DEAF1: variants seen among roughly 807,000 people sequenced by gnomAD.
The protein encoded by DEAF1 is deformed epidermal autoregulatory factor 1 homolog.
A neutral mutation model predicts 58.9 loss-of-function variants in DEAF1; 53 were observed. The ratio of observed to expected loss-of-function variants is 0.90; its 90% CI spans 0.72 to 1.13. The LOEUF is 1.13. DEAF1 is among the 50% of genes most tolerant of loss of function. The pLI, the probability that DEAF1 is intolerant of heterozygous loss-of-function variation, is 0.00. For missense variants in DEAF1, 685 were observed against 791.4 expected, an observed-to-expected ratio of 0.87 and a Z score of 1.61; for synonymous variants, 385 against 340.4, an observed-to-expected ratio of 1.13 and a Z score of -1.44.
intron 10 of DEAF1, among the ~76,000 whole-genome samples, chr11:673,644 G>A (rs11246257): frequency 3.9e-5 from 6 of 152,126 alleles, no homozygotes; most frequent in African/African-American, 1.4e-4. Flanking sequence ...CCACGTTACC[G>A]TACCCGAAAA....
upstream of DEAF1, among the ~76,000 whole-genome samples, chr11:698,287 C>G (rs796578843): frequency 1.3e-5 from 2 of 151,954 alleles, no homozygotes; most frequent in African/African-American, 4.8e-5. Flanking sequence ...ACTCCTCGGG[C>G]TTCCTGTCAT....
chr11:682,992 A>G (rs1379391208), intron 6 of DEAF1, among the ~76,000 whole-genome samples: 3 of 152,182 alleles, frequency 2.0e-5, no homozygotes, highest in Non-Finnish European at 4.4e-5. Context: ...GGGGGCAGAA[A>G]GGGAGGGAAG....
At chr11:646,831 A>G (rs949498930) in intron 11 of DEAF1, among the ~76,000 whole-genome samples, 1 of 152,236 alleles carries the variant, frequency 6.6e-6, no homozygotes, top group Non-Finnish European at 1.5e-5. Flanking sequence ...AAAAATGGTT[A>G]AATTCACAAG....
At chr11:684,397 G>A (rs559401182) in intron 6 of DEAF1, among the ~76,000 whole-genome samples, 8 of 151,510 alleles carry the variant, frequency 5.3e-5, no homozygotes, top group South Asian at 2.1e-4. Flanking sequence ...CAGTGTGGGC[G>A]ACAGAATGAG....
intron 1 of DEAF1, among the ~76,000 whole-genome samples, chr11:701,614 T>G (rs1216190981): frequency 1.3e-5 from 2 of 151,910 alleles, no homozygotes; most frequent in African/African-American, 2.4e-5. Context: ...TTTCACCATG[T>G]TAGCCAGGAT....
At chr11:680,824 G>T in intron 7 of DEAF1, 139 bp downstream of exon 7, 1 of 1,271,012 alleles carries the variant, frequency 7.9e-7, no homozygotes, top group South Asian at 1.2e-5. Context: ...GCAAAGGAGT[G>T]TGATGGCGTT....
intron 1 of DEAF1, among the ~76,000 whole-genome samples, chr11:702,326 G>T (rs1861536095): frequency 6.6e-6 from 1 of 152,242 alleles, no homozygotes; most frequent in South Asian, 2.1e-4. Flanking sequence ...GCGGCACAGA[G>T]GCCCGGTTCT....
At chr11:678,550 C>T (rs1860185120) in intron 9 of DEAF1, 144 bp downstream of exon 9, 1 of 1,191,998 alleles carries the variant, frequency 8.4e-7, no homozygotes, top group African/African-American at 1.5e-5. Context: ...AGGCAGTGGG[C>T]CACACTTTAC....
Position 660,484 on chromosome 11 carries a change from A to G in DEAF1, c.1504-6433T>C, listed in dbSNP as rs557555758. The stretch of plus-strand genomic sequence containing the variant: ...GGCGCCGCCTCACCCCGTCCCGGGC[A>G]CCTGGCCGCCCCTCCCACCACAACA... On this transcript the variant is annotated intron_variant, in intron 10 of 11. Coordinates refer to ENST00000382409, the MANE Select transcript of DEAF1 (RefSeq NM_021008.4). Among the ~76,000 whole-genome samples the G allele has an allele frequency of 6.1e-3, 924 of 152,274 alleles. 9 individuals carry two copies. The highest frequency in any genetic ancestry group is 0.021 in the African/African-American group (855 of 41,552).
At chr11:686,820 A>C in intron 5 of DEAF1, 38 bp downstream of exon 5, 1 of 1,613,466 alleles carries the variant, frequency 6.2e-7, no homozygotes, top group Non-Finnish European at 8.5e-7. Flanking sequence ...CCCACGTCTG[A>C]ACTGTGTGCT....
upstream of DEAF1, chr11:698,917 G>A (rs1377372339): frequency 6.2e-7 from 1 of 1,613,714 alleles, no homozygotes; most frequent in Non-Finnish European, 8.5e-7. Context: ...CTCCAGGACA[G>A]CACCCAGAGG....
intron 1 of DEAF1, among the ~76,000 whole-genome samples, chr11:701,905 C>T (rs1314714925): frequency 5.9e-5 from 9 of 152,214 alleles, no homozygotes; most frequent in Non-Finnish European, 1.2e-4. Context: ...CAGAGCTCAC[C>T]TCTGTGGCCA....
intron 11 of DEAF1, among the ~76,000 whole-genome samples, chr11:645,637 C>G (rs971129092): frequency 6.6e-6 from 1 of 152,102 alleles, no homozygotes; most frequent in African/African-American, 2.4e-5. Flanking sequence ...TTTTTAATGG[C>G]AAAGATGAAA....
chr11:697,964 C>T (rs1230554978), upstream of DEAF1: 2 of 152,280 alleles, frequency 1.3e-5, no homozygotes, highest in Non-Finnish European at 1.5e-5. Context: ...CACAAAATCT[C>T]ACCAACGCCA....
intron 10 of DEAF1, among the ~76,000 whole-genome samples, chr11:666,862 G>A (rs1332203876): frequency 9.4e-6 from 1 of 105,972 alleles, no homozygotes; most frequent in Non-Finnish European, 1.7e-5. Flanking sequence ...TGGAGAGCAA[G>A]ACTCTGTCTC....
chr11:661,013 G>A (rs941491414), intron 10 of DEAF1, among the ~76,000 whole-genome samples: 2 of 152,210 alleles, frequency 1.3e-5, no homozygotes, highest in African/African-American at 4.8e-5. Flanking sequence ...CTTCCTAGGA[G>A]TCAAGGACAT....
At chr11:666,820 G>A (rs961115940) in intron 10 of DEAF1, among the ~76,000 whole-genome samples, 2 of 142,616 alleles carry the variant, frequency 1.4e-5, no homozygotes, top group Non-Finnish European at 3.0e-5. Context: ...AGAGCTTGCA[G>A]TGAGCTGAGA....
At chr11:647,925 G>GGGATTCC (rs1858576727) in intron 11 of DEAF1, among the ~76,000 whole-genome samples, 11 of 1,298 alleles carry the variant, frequency 8.5e-3, no homozygotes, top group Admixed American at 0.022. Flanking sequence ...CTGGGAGCAG[G>GGGATTCC]TGGGTGGACT....
At position 694,922 on chromosome 11, in the gene DEAF1, C is replaced by T. The variant is rs752701835; in HGVS notation, c.126G>A (p.Leu42=). ...CCTCCTCCGAGTCCTCGTCCCTGCT[C>T]AGCACCGGCTCCTCCGCCTCGCCTC... is the stretch of plus-strand genomic sequence containing the variant. ...AAGGEAEEPV[L]SRDEDSEEDA... is the part of the protein sequence containing the mutation. Residue 42 remains leucine, a synonymous_variant, in exon 1 of 12, where the codon CTG becomes CTA. Transcript: ENST00000382409. 5.6e-6 allele frequency: 8 copies of T among 1,420,760 alleles called. No homozygotes were observed. In the East Asian group the frequency reaches 2.1e-4, roughly 36 times the overall value. The allele number at this position is 1,420,760 out of a possible 1,614,324, so 88.0% of individuals were successfully genotyped here. A position where few individuals can be genotyped will look rare whatever the true frequency, so the allele number is the denominator to read the frequency against.
Sources: allele counts gnomAD v4.1 joint callset (sites outside exome capture counted in the v4.1 genomes callset), GRCh38; gene constraint gnomAD v4.1.1; transcripts MANE v1.5; gene names NCBI Gene and HGNC (gene_info 2026-07-23, HGNC 2026-07-21).